MSH3: variants seen among roughly 807,000 people sequenced by gnomAD.
MSH3 encodes DNA mismatch repair protein Msh3.
Under a neutral mutation model 123.3 loss-of-function variants are expected in MSH3, and 106 were observed. That is an observed-to-expected ratio of 0.86 (90% CI 0.73 to 1.01). MSH3 has a LOEUF of 1.01. Among genes scored for constraint, MSH3 ranks in the 50% least tolerant of loss-of-function variants. The probability of loss-of-function intolerance (pLI) is 0.00; values close to 1 mark genes in which losing one functional copy is unlikely to be tolerated. For missense variants in MSH3, 1,459 were observed against 1,347.6 expected (o/e 1.08, Z -1.29); for synonymous variants, 515 against 481.4 (o/e 1.07, Z -0.91).
intron 12 of MSH3, among the ~76,000 whole-genome samples, chr5:80,750,804 C>T (rs1253117749): frequency 6.6e-6 from 1 of 152,130 alleles, no homozygotes; most frequent in African/African-American, 2.4e-5. Context: ...TTTCTCAAGT[C>T]TTTGCACTTG....
At position 80,854,026 on chromosome 5, in the gene MSH3, A is replaced by G. The variant is rs979231979; in HGVS notation, c.2814-104A>G. 8.3e-6 allele frequency: 8 copies of G among 961,254 alleles called. No homozygotes were observed. In the African/African-American group the frequency reaches 1.2e-4, roughly 14 times the overall value. The allele number at this position is 961,254 out of a possible 1,614,324, so 59.5% of individuals were successfully genotyped here. On this transcript the variant is annotated intron_variant, in intron 20 of 23. Coordinates refer to ENST00000265081, the MANE Select transcript of MSH3 (RefSeq NM_002439.5). ...TTGAGCTATTATTGGCTCAAAATATATAGATTCTTAGTGATCTTTTATATT... is the reference window on the plus strand; with the variant it reads ...TTGAGCTATTATTGGCTCAAAATATGTAGATTCTTAGTGATCTTTTATATT...
chr5:80,854,795 G>T lies in MSH3; in HGVS notation c.3000+479G>T, dbSNP rs117308342. ...TTTTTGCTGACTCAACATAAATCTG[G>T]TTGTACGAAAAAGGCCTTCCTGGCA... On this transcript the variant is annotated intron_variant, in intron 21 of 23. Transcript: ENST00000265081. 5.3e-5 allele frequency among the ~76,000 whole-genome samples: 8 copies of T among 152,112 alleles called. No individual in the cohort carries two copies. The East Asian group carries it at 1.5e-3, about 29-fold the overall frequency.
chr5:80,663,088 A>G (rs1217073796), intron 2 of MSH3, among the ~76,000 whole-genome samples: 4 of 152,164 alleles, frequency 2.6e-5, no homozygotes, highest in African/African-American at 7.2e-5. Flanking sequence ...TTAAAAAAAA[A>G]TTAGTTGGCC....
chr5:80,662,847 T>C (rs1323152685), intron 2 of MSH3, among the ~76,000 whole-genome samples: 5 of 151,866 alleles, frequency 3.3e-5, no homozygotes, highest in Non-Finnish European at 5.9e-5. Flanking sequence ...AAAATTTTAT[T>C]TGGGAAGCAA....
chr5:80,829,806 G>T (rs1259689491), intron 20 of MSH3, among the ~76,000 whole-genome samples: 2 of 152,112 alleles, frequency 1.3e-5, no homozygotes, highest in Non-Finnish European at 2.9e-5. Flanking sequence ...TAGAGAATTG[G>T]TCTAATTTCT....
chr5:80,849,767 G>A (rs1285626624), intron 20 of MSH3, among the ~76,000 whole-genome samples: 2 of 152,076 alleles, frequency 1.3e-5, no homozygotes, highest in East Asian at 1.9e-4. Context: ...GTTGGGAGGG[G>A]CTGCCATGAA....
chr5:80,869,367 A>G (rs1270075695), intron 22 of MSH3, among the ~76,000 whole-genome samples: 1 of 152,172 alleles, frequency 6.6e-6, no homozygotes, highest in East Asian at 1.9e-4. Flanking sequence ...GTAAGTAGTT[A>G]CATCCTCATC....
At chr5:80,841,733 C>T (rs1318042124) in intron 20 of MSH3, among the ~76,000 whole-genome samples, 2 of 152,098 alleles carry the variant, frequency 1.3e-5, no homozygotes, top group Non-Finnish European at 2.9e-5. Flanking sequence ...ATATCCTTTG[C>T]CCACTTTTTG....
chr5:80,690,982 A>G (rs1385486804), intron 8 of MSH3, among the ~76,000 whole-genome samples: 1 of 152,010 alleles, frequency 6.6e-6, no homozygotes, highest in Admixed American at 6.6e-5. Flanking sequence ...GTAATTGTCC[A>G]TGAAAATAAT....
Position 80,668,395 on chromosome 5 carries a change from G to A in MSH3, c.580-1702G>A, listed in dbSNP as rs903788603. On this transcript the variant is annotated intron_variant, in intron 3 of 23. Transcript: ENST00000265081. ...CTCAGGAGCCTGTCTGCCTCCTGCC[G>A]TCATCCATGGCACCCAGGCTGTTTG... is the stretch of plus-strand genomic sequence containing the variant. Among the ~76,000 whole-genome samples, 7 of 152,248 alleles carry A rather than the reference G, an allele frequency of 4.6e-5. No individual in the cohort carries two copies. The South Asian group carries it at 1.0e-3, about 23-fold the overall frequency.
intron 8 of MSH3, among the ~76,000 whole-genome samples, chr5:80,723,514 G>A (rs1450053257): frequency 6.6e-6 from 1 of 152,094 alleles, no homozygotes; most frequent in African/African-American, 2.4e-5. Flanking sequence ...TCAGAAAGCA[G>A]ATCTTAAATT....
rs144969264 is a variant in MSH3 at position 80,712,907 on chromosome 5, A to G, written c.1341-12546A>G. ...TAATGAGTTTCATAGTAATTCTAATATGGAGATATTAAAGCCAGGTTACCT... is the reference window on the plus strand; with the variant it reads ...TAATGAGTTTCATAGTAATTCTAATGTGGAGATATTAAAGCCAGGTTACCT... On this transcript the variant is annotated intron_variant, in intron 8 of 23. Coordinates refer to ENST00000265081, the MANE Select transcript of MSH3 (RefSeq NM_002439.5). Among the ~76,000 whole-genome samples the G allele has an allele frequency of 5.2e-3, 798 of 152,200 alleles. 4 individuals carry two copies. The highest frequency in any genetic ancestry group is 0.017 in the Middle Eastern group (5 of 294).
intron 22 of MSH3, among the ~76,000 whole-genome samples, chr5:80,865,905 A>G (rs1438359692): frequency 6.6e-6 from 1 of 152,200 alleles, no homozygotes; most frequent in Non-Finnish European, 1.5e-5. Flanking sequence ...ACCACCATGC[A>G]ATCTTGAAAA....
chr5:80,828,916 C>T (rs771073406), intron 20 of MSH3, among the ~76,000 whole-genome samples: 5 of 152,222 alleles, frequency 3.3e-5, no homozygotes, highest in African/African-American at 9.6e-5. Flanking sequence ...AAGTAACAGT[C>T]AAGTGCCTGC....
chr5:80,697,000 A>C (rs1251636892), intron 8 of MSH3, among the ~76,000 whole-genome samples: 2 of 152,212 alleles, frequency 1.3e-5, no homozygotes, highest in Non-Finnish European at 2.9e-5. Context: ...TTAAAAGCAC[A>C]ACCAGTGGGG....
intron 8 of MSH3, among the ~76,000 whole-genome samples, chr5:80,693,692 C>G (rs187455936): frequency 2.8e-4 from 43 of 152,090 alleles, no homozygotes; most frequent in Admixed American, 1.6e-3. Flanking sequence ...GAGTCTCACT[C>G]TGTCACCCAG....
At chr5:80,786,341 T>C (rs1490214767) in intron 17 of MSH3, among the ~76,000 whole-genome samples, 1 of 152,196 alleles carries the variant, frequency 6.6e-6, no homozygotes. Flanking sequence ...CTCTCTGAAC[T>C]TCATTTGTAA....
chr5:80,857,452 A>G (rs1384422928), intron 21 of MSH3, among the ~76,000 whole-genome samples: 1 of 152,216 alleles, frequency 6.6e-6, no homozygotes, highest in Non-Finnish European at 1.5e-5. Flanking sequence ...GAAAAAGACT[A>G]TAGAGAATTG....
chr5:80,759,188 G>A (rs1743987820), intron 12 of MSH3, among the ~76,000 whole-genome samples: 1 of 152,178 alleles, frequency 6.6e-6, no homozygotes. Context: ...TGTGTTCACT[G>A]AATTTATAGT....
Sources: allele counts gnomAD v4.1 joint callset (sites outside exome capture counted in the v4.1 genomes callset), GRCh38; gene constraint gnomAD v4.1.1; transcripts MANE v1.5; gene names NCBI Gene and HGNC (gene_info 2026-07-23, HGNC 2026-07-21).